The following MARCHF1 variants were observed in gnomAD, a reference collection of about 807,000 sequenced individuals.
MARCHF1 encodes E3 ubiquitin-protein ligase MARCHF1.
MARCHF1 carries 40 observed loss-of-function variants against 54.2 expected under a neutral mutation model. That is an observed-to-expected ratio of 0.74 (90% CI 0.57 to 0.96). The LOEUF (loss-of-function observed/expected upper bound fraction) is 0.96. Ranked by LOEUF, MARCHF1 falls within the 40% of genes least tolerant of loss-of-function variation. The pLI, the probability that MARCHF1 is intolerant of heterozygous loss-of-function variation, is 0.00. For missense variants in MARCHF1, 586 were observed against 656.5 expected (o/e 0.89, Z 1.17); for synonymous variants, 236 against 236.3 (o/e 1.00, Z 0.01).
rs80004798 is a variant in MARCHF1, at chr4:163,896,235, G to T, written c.-38-42066C>A. Among the ~76,000 whole-genome samples, 827 of 152,256 alleles carry T rather than the reference G, an allele frequency of 5.4e-3. 11 individuals carry two copies. The highest frequency in any genetic ancestry group is 0.02 in the Middle Eastern group (6 of 294). On this transcript the variant is annotated intron_variant, in intron 3 of 9. Transcript: ENST00000514618. ...AATTAATTATAACAACAATAATAGA[G>T]ATGATGAAATCAAGAAGAACAGAAT...
chr4:164,331,264 A>T (rs545755337), intron 1 of MARCHF1, among the ~76,000 whole-genome samples: 7 of 152,154 alleles, frequency 4.6e-5, no homozygotes, highest in East Asian at 1.9e-4. Flanking sequence ...AAGTTACATT[A>T]AAAAAAAGTA....
chr4:164,330,122 G>A (rs1408129128), intron 1 of MARCHF1: 1 of 151,522 alleles, frequency 6.6e-6, no homozygotes, highest in Non-Finnish European at 1.5e-5. Context: ...GGGCATTCTC[G>A]CCTTCTGCTT....
chr4:163,808,056 A>G (rs1314321298), intron 4 of MARCHF1, among the ~76,000 whole-genome samples: 5 of 152,170 alleles, frequency 3.3e-5, no homozygotes, highest in African/African-American at 1.2e-4. Context: ...ATGCACTGCT[A>G]CCTTTCTGTT....
chr4:163,712,704 G>C (rs754749383), intron 4 of MARCHF1, among the ~76,000 whole-genome samples: 19 of 152,258 alleles, frequency 1.2e-4, no homozygotes, highest in Middle Eastern at 3.4e-3. Flanking sequence ...ATACATACGA[G>C]AATTTCCTGG....
intron 1 of MARCHF1, among the ~76,000 whole-genome samples, chr4:164,254,760 T>A (rs28437137): frequency 0.12 from 17,733 of 151,960 alleles, 1,619 homozygotes; most frequent in African/African-American, 0.25. Context: ...AGGCCCAGCC[T>A]CTCCCTTTCA....
chr4:163,924,972 CT>C (rs1229238499), intron 3 of MARCHF1, among the ~76,000 whole-genome samples: 1 of 151,698 alleles, frequency 6.6e-6, no homozygotes, highest in Non-Finnish European at 1.5e-5. Flanking sequence ...ATCAGAGTGG[CT>C]TTTCTCATGA....
At chr4:163,843,716 G>A (rs899997357) in intron 4 of MARCHF1, among the ~76,000 whole-genome samples, 1 of 151,908 alleles carries the variant, frequency 6.6e-6, no homozygotes, top group Non-Finnish European at 1.5e-5. Context: ...ACAGGACCCA[G>A]TGTGTGTTGT....
chr4:164,065,890 T>C (rs1247838689), intron 2 of MARCHF1, among the ~76,000 whole-genome samples: 1 of 152,150 alleles, frequency 6.6e-6, no homozygotes, highest in African/African-American at 2.4e-5. Context: ...AGCCAGAAGA[T>C]TCAGCAAGCC....
chr4:164,325,261 T>C (rs866816561), intron 1 of MARCHF1, among the ~76,000 whole-genome samples: 2 of 150,350 alleles, frequency 1.3e-5, no homozygotes, highest in Non-Finnish European at 3.0e-5. Context: ...GCTAGCAAAA[T>C]TGTGGCTACT....
At position 163,944,133 on chromosome 4, in the gene MARCHF1, A is replaced by ATTTTTTT. The variant is rs5863642; in HGVS notation, c.-39+44361_-39+44367dup. Among the ~76,000 whole-genome samples the ATTTTTTT allele has an allele frequency of 2.1e-3, 225 of 109,328 alleles. 1 individual carries two copies. The highest frequency in any genetic ancestry group is 2.7e-3 in the Non-Finnish European group (144 of 52,810). 71.7% of individuals were successfully genotyped at this position (109,328 alleles called of 152,430 possible). A position where few individuals can be genotyped will look rare whatever the true frequency, so the allele number is the denominator to read the frequency against. On this transcript the variant is annotated intron_variant, in intron 3 of 9. Transcript: ENST00000514618. ...AGGCACCTGTCACTGCACCGGGCTA[A>ATTTTTTT]TTTTTTTTTTTTTTTTTTTTTTGTA...
intron 5 of MARCHF1, among the ~76,000 whole-genome samples, chr4:163,616,209 T>C (rs367575259): frequency 6.6e-6 from 1 of 152,212 alleles, no homozygotes; most frequent in African/African-American, 2.4e-5. Flanking sequence ...AAAAACAAAA[T>C]AGACAAATGA....
At chr4:163,795,277 T>A (rs1747881240) in intron 4 of MARCHF1, among the ~76,000 whole-genome samples, 1 of 152,204 alleles carries the variant, frequency 6.6e-6, no homozygotes. Flanking sequence ...TTGCCCAGGC[T>A]GGAGTGCAAT....
At chr4:163,728,516 C>A (rs1185464213) in intron 4 of MARCHF1, among the ~76,000 whole-genome samples, 1 of 152,050 alleles carries the variant, frequency 6.6e-6, no homozygotes, top group Non-Finnish European at 1.5e-5. Context: ...CCCCCCCATA[C>A]TTTTGTTATA....
At chr4:163,816,108 G>A (rs186376770) in intron 4 of MARCHF1, among the ~76,000 whole-genome samples, 38 of 152,228 alleles carry the variant, frequency 2.5e-4, no homozygotes, top group Admixed American at 2.4e-3. Context: ...CAATAAAATC[G>A]CACTTCTAAG....
At chr4:164,234,141 C>A (rs1484537497) in intron 1 of MARCHF1, among the ~76,000 whole-genome samples, 1 of 152,040 alleles carries the variant, frequency 6.6e-6, no homozygotes, top group Non-Finnish European at 1.5e-5. Context: ...GAATTGCTAC[C>A]TATCTAAAAT....
intron 1 of MARCHF1, among the ~76,000 whole-genome samples, chr4:164,329,677 T>C (rs939825160): frequency 2.6e-5 from 4 of 152,158 alleles, no homozygotes; most frequent in Non-Finnish European, 1.5e-5. Context: ...CTTCCAATCA[T>C]GACAGAAGGC....
At chr4:164,185,810 A>ACACACACACACAC (rs1553990115) in intron 1 of MARCHF1, among the ~76,000 whole-genome samples, 35 of 64,846 alleles carry the variant, frequency 5.4e-4, no homozygotes, top group African/African-American at 2.5e-3. Context: ...ACACACACAC[A>ACACACACACACAC]AAAAAAAAAA....
At chr4:163,774,773 G>C (rs1284908301) in intron 4 of MARCHF1, among the ~76,000 whole-genome samples, 1 of 152,162 alleles carries the variant, frequency 6.6e-6, no homozygotes, top group Non-Finnish European at 1.5e-5. Flanking sequence ...TGGGATTACA[G>C]GTGTGAGTGA....
chr4:164,157,434 C>T (rs948755259), intron 1 of MARCHF1, among the ~76,000 whole-genome samples: 3 of 152,164 alleles, frequency 2.0e-5, no homozygotes, highest in African/African-American at 7.2e-5. Context: ...TGTTCAAAAA[C>T]TGTTCCTTAC....
Sources: gnomAD v4.1 joint callset for allele counts (sites outside exome capture counted in the v4.1 genomes callset) on GRCh38, gnomAD v4.1.1 for gene constraint, MANE v1.5 for transcripts, NCBI Gene and HGNC (gene_info 2026-07-23, HGNC 2026-07-21) for gene names.